MACROD2: variants seen among roughly 807,000 people sequenced by gnomAD.
MACROD2 encodes mono-ADP ribosylhydrolase 2.
MACROD2 carries 36 observed loss-of-function variants against 70.4 expected under a neutral mutation model. That is an observed-to-expected ratio of 0.51 (90% CI 0.39 to 0.68). The LOEUF (loss-of-function observed/expected upper bound fraction) is 0.68. Among genes scored for constraint, MACROD2 ranks in the 30% least tolerant of loss-of-function variants. The pLI, the probability that MACROD2 is intolerant of heterozygous loss-of-function variation, is 0.00. For synonymous variants in MACROD2, 172 were observed against 178.8 expected (o/e 0.96, Z 0.30); for missense variants, 496 against 538.4 (o/e 0.92, Z 0.78).
chr20:15,741,984 G>A (rs1308800659), intron 8 of MACROD2, among the ~76,000 whole-genome samples: 1 of 152,124 alleles, frequency 6.6e-6, no homozygotes, highest in African/African-American at 2.4e-5. Flanking sequence ...ACATTGCTTG[G>A]CAAGTAGCAA....
rs188439041 is a variant in MACROD2 at position 14,144,210 on chromosome 20, A to C, written c.271+58482A>C. On this transcript the variant is annotated intron_variant, in intron 3 of 17. Coordinates refer to ENST00000684519, the MANE Select transcript of MACROD2 (RefSeq NM_001351661.2). ...AGACATATTTTTTTCTATGCTAAAG[A>C]AAAGCAAAAACTTTGAAATTTTTTG... Among the ~76,000 whole-genome samples the C allele has an allele frequency of 2.6e-3, 395 of 152,318 alleles. 5 individuals are homozygous for C. Among genetic ancestry groups the C allele is most frequent in the African/African-American group, 8.9e-3 (369 of 41,574 alleles).
At chr20:14,959,241 C>T (rs61212887) in intron 5 of MACROD2, among the ~76,000 whole-genome samples, 1 of 152,032 alleles carries the variant, frequency 6.6e-6, no homozygotes, top group Admixed American at 6.5e-5. Flanking sequence ...AAGAGATTCT[C>T]CTGCCTCAGC....
chr20:14,004,235 A>C (rs1601100489), intron 2 of MACROD2, among the ~76,000 whole-genome samples: 1 of 152,330 alleles, frequency 6.6e-6, no homozygotes, highest in East Asian at 1.9e-4. Context: ...AATGTTCCCC[A>C]AATTAGAAAA....
chr20:15,803,488 A>G (rs1035401542), intron 8 of MACROD2, among the ~76,000 whole-genome samples: 1 of 152,126 alleles, frequency 6.6e-6, no homozygotes, highest in Non-Finnish European at 1.5e-5. Flanking sequence ...GTCTCATTGG[A>G]GTTGAGGAGG....
intron 6 of MACROD2, among the ~76,000 whole-genome samples, chr20:15,373,236 A>G (rs1237849173): frequency 1.3e-5 from 2 of 152,100 alleles, no homozygotes; most frequent in Non-Finnish European, 2.9e-5. Context: ...TTTTTGTTGC[A>G]TTGATTTAAC....
At chr20:15,746,206 AT>A (rs1039739754) in intron 8 of MACROD2, among the ~76,000 whole-genome samples, 4 of 151,748 alleles carry the variant, frequency 2.6e-5, no homozygotes, top group African/African-American at 4.8e-5. Flanking sequence ...GAGCTTTATA[AT>A]TTTTTTTGTA....
intron 6 of MACROD2, among the ~76,000 whole-genome samples, chr20:15,289,795 T>G (rs62205198): frequency 0.19 from 29,111 of 152,210 alleles, 2,972 homozygotes; most frequent in Non-Finnish European, 0.24. Flanking sequence ...TCTGGCTCAC[T>G]CACTCAGCAA....
Position 15,227,823 on chromosome 20 carries a change from G to GTTTTTTTTTTTTTTT in MACROD2, c.419-2105_419-2091dup, listed in dbSNP as rs59129207. 2.8e-4 allele frequency among the ~76,000 whole-genome samples: 13 copies of GTTTTTTTTTTTTTTT among 46,102 alleles called. 1 individual carries two copies. The highest frequency in any genetic ancestry group is 1.2e-3 in the East Asian group (2 of 1,718). 30.2% of individuals were successfully genotyped at this position (46,102 alleles called of 152,430 possible). On this transcript the variant is annotated intron_variant, in intron 5 of 17. Transcript: ENST00000684519. ...TAACTGGTGTGATAGAATTTCACCT[G>GTTTTTTTTTTTTTTT]TTTTTTTTTTTTTTTTTTTTTTTTT...
chr20:15,233,398 A>G (rs2076976221), intron 6 of MACROD2, among the ~76,000 whole-genome samples: 1 of 152,176 alleles, frequency 6.6e-6, no homozygotes, highest in Non-Finnish European at 1.5e-5. Context: ...CAGAAAAAAG[A>G]GTAGGGTATA....
intron 3 of MACROD2, among the ~76,000 whole-genome samples, chr20:14,401,570 C>CT (rs1810789361): frequency 6.6e-6 from 1 of 151,992 alleles, no homozygotes; most frequent in South Asian, 2.1e-4. Context: ...TGTTAATTGC[C>CT]TTTTTTGACA....
chr20:15,948,726 A>G (rs1308351613), intron 12 of MACROD2, among the ~76,000 whole-genome samples: 1 of 152,190 alleles, frequency 6.6e-6, no homozygotes, highest in Admixed American at 6.5e-5. Context: ...CCTAAGTGGC[A>G]ATTGGAAGGT....
At chr20:15,421,193 C>A (rs2046222715) in intron 6 of MACROD2, among the ~76,000 whole-genome samples, 1 of 152,044 alleles carries the variant, frequency 6.6e-6, no homozygotes, top group Non-Finnish European at 1.5e-5. Context: ...ACCTGGCCAG[C>A]ATAGTGAGAC....
intron 10 of MACROD2, among the ~76,000 whole-genome samples, chr20:15,908,851 T>C (rs2065189275): frequency 6.6e-6 from 1 of 152,216 alleles, no homozygotes; most frequent in Admixed American, 6.5e-5. Flanking sequence ...TGCTTAGCTT[T>C]CCAAACACCC....
chr20:15,835,256 A>G (rs371739348), intron 8 of MACROD2, among the ~76,000 whole-genome samples: 1 of 52,044 alleles, frequency 1.9e-5, no homozygotes, highest in Non-Finnish European at 4.0e-5. Flanking sequence ...AATAATAATT[A>G]TTAATTCAGT....
chr20:15,952,696 G>A (rs2065922761), intron 12 of MACROD2, among the ~76,000 whole-genome samples: 1 of 152,158 alleles, frequency 6.6e-6, no homozygotes, highest in Non-Finnish European at 1.5e-5. Context: ...TCAAGTTGGA[G>A]CCAACAGAGC....
intron 5 of MACROD2, among the ~76,000 whole-genome samples, chr20:15,223,627 C>A (rs532691682): frequency 9.2e-5 from 14 of 152,284 alleles, no homozygotes; most frequent in African/African-American, 2.4e-4. Context: ...GATAATAGGT[C>A]TGAGAACTCC....
At chr20:14,625,719 G>T (rs527401145) in intron 4 of MACROD2, among the ~76,000 whole-genome samples, 3 of 152,202 alleles carry the variant, frequency 2.0e-5, no homozygotes, top group African/African-American at 7.2e-5. Context: ...GAGCCAGCTA[G>T]TTGTCAATGA....
chr20:14,958,165 C>G (rs1234031830), intron 5 of MACROD2, among the ~76,000 whole-genome samples: 4 of 152,116 alleles, frequency 2.6e-5, no homozygotes, highest in Admixed American at 2.6e-4. Flanking sequence ...GTATGTATTA[C>G]CTTCTGTATT....
chr20:15,869,238 T>TATATATATAGAGAGAGAGAG lies in MACROD2; in HGVS notation c.727+6413_727+6414insTATATATAGAGAGAGAGAGA. ...ATATATATATATATATATATATATA[T>TATATATATAGAGAGAGAGAG]AGAGAGAGAGAGAGAGAGAGAGAGA... On this transcript the variant is annotated intron_variant, in intron 9 of 17. Coordinates refer to ENST00000684519, the MANE Select transcript of MACROD2 (RefSeq NM_001351661.2). Among the ~76,000 whole-genome samples, 187 of 28,254 alleles carry TATATATATAGAGAGAGAGAG rather than the reference T, an allele frequency of 6.6e-3. 5 individuals are homozygous for TATATATATAGAGAGAGAGAG. Among genetic ancestry groups the TATATATATAGAGAGAGAGAG allele is most frequent in the Non-Finnish European group, 8.6e-3 (112 of 13,018 alleles). 18.5% of individuals were successfully genotyped at this position (28,254 alleles called of 152,430 possible). A position where few individuals can be genotyped will look rare whatever the true frequency, so the allele number is the denominator to read the frequency against.
Sources: gnomAD v4.1 joint callset for allele counts (sites outside exome capture counted in the v4.1 genomes callset) on GRCh38, gnomAD v4.1.1 for gene constraint, MANE v1.5 for transcripts, NCBI Gene and HGNC (gene_info 2026-07-23, HGNC 2026-07-21) for gene names.